Variants in PDE3B observed in about 807,000 individuals in gnomAD.
PDE3B encodes the protein phosphodiesterase 3B, also known as cGMP-inhibited 3',5'-cyclic phosphodiesterase 3B.
In PDE3B, 66 loss-of-function variants were observed where a neutral mutation model predicts 116.8. The observed-to-expected ratio is 0.56, with a 90% confidence interval of 0.46 to 0.69. The LOEUF (loss-of-function observed/expected upper bound fraction) is 0.69, where lower values mean the gene tolerates loss of function less well. Among genes scored for constraint, PDE3B ranks in the 30% least tolerant of loss-of-function variants. The pLI, the probability that PDE3B is intolerant of heterozygous loss-of-function variation, is 0.00. For missense variants in PDE3B, 1,384 were observed against 1,368.1 expected, an observed-to-expected ratio of 1.01 and a Z score of -0.18; for synonymous variants, 595 against 533.6, an observed-to-expected ratio of 1.12 and a Z score of -1.59.
At chr11:14,830,465 T>C (rs1200023460) in intron 7 of PDE3B, among the ~76,000 whole-genome samples, 1 of 152,196 alleles carries the variant, frequency 6.6e-6, no homozygotes, top group Admixed American at 6.5e-5. Flanking sequence ...TTAGCATCCA[T>C]GAGTAGATAT....
rs543067312 is a variant in PDE3B, at chr11:14,685,180, A to G, written c.978+40127A>G. ...GACAGGCGTAAGAAATTATAAAAGT[A>G]TTAATTTTGGGAACTGATATATGTC... On this transcript the variant is annotated intron_variant, in intron 1 of 15. Coordinates refer to ENST00000282096, the MANE Select transcript of PDE3B (RefSeq NM_000922.4). 1.4e-3 allele frequency among the ~76,000 whole-genome samples: 208 copies of G among 152,224 alleles called. 1 individual carries two copies. The highest frequency in any genetic ancestry group is 4.9e-3 in the African/African-American group (204 of 41,534).
chr11:14,707,630 CT>C (rs936474508), intron 1 of PDE3B, among the ~76,000 whole-genome samples: 1 of 151,912 alleles, frequency 6.6e-6, no homozygotes, highest in Non-Finnish European at 1.5e-5. Flanking sequence ...ATTGACTTCT[CT>C]TTAGGGAAAC....
chr11:14,854,424 C>T (rs949829026), intron 12 of PDE3B, among the ~76,000 whole-genome samples: 2 of 152,186 alleles, frequency 1.3e-5, no homozygotes, highest in Non-Finnish European at 2.9e-5. Flanking sequence ...CAAACCCTAT[C>T]CACATTTACA....
At chr11:14,855,647 A>G (rs782496879) in intron 12 of PDE3B, among the ~76,000 whole-genome samples, 11 of 150,086 alleles carry the variant, frequency 7.3e-5, no homozygotes, top group East Asian at 1.9e-4. Context: ...GTGTGTGAGC[A>G]AGAGAGAGAG....
chr11:14,704,843 A>ATCC (rs1855482146), intron 1 of PDE3B, among the ~76,000 whole-genome samples: 1 of 151,754 alleles, frequency 6.6e-6, no homozygotes, highest in South Asian at 2.1e-4. Flanking sequence ...AAACCATAAA[A>ATCC]GAAAAAAATT....
chr11:14,696,946 C>CT (rs905436501), intron 1 of PDE3B, among the ~76,000 whole-genome samples: 19 of 150,940 alleles, frequency 1.3e-4, no homozygotes, highest in South Asian at 4.2e-4. Context: ...TTATCTTTCA[C>CT]TTTTTTTTTA....
chr11:14,676,773 A>G (rs1854543848), intron 1 of PDE3B, among the ~76,000 whole-genome samples: 1 of 152,122 alleles, frequency 6.6e-6, no homozygotes, highest in South Asian at 2.1e-4. Context: ...TTTTCTCTCA[A>G]TCTGTTGCTT....
At chr11:14,718,771 A>C (rs1458989098) in intron 1 of PDE3B, among the ~76,000 whole-genome samples, 1 of 144,618 alleles carries the variant, frequency 6.9e-6, no homozygotes, top group African/African-American at 2.6e-5. Flanking sequence ...CATTCAAAGC[A>C]GTGTGTAGAG....
intron 1 of PDE3B, among the ~76,000 whole-genome samples, chr11:14,654,148 G>A (rs1226571690): frequency 1.3e-5 from 2 of 152,068 alleles, no homozygotes; most frequent in Non-Finnish European, 2.9e-5. Flanking sequence ...AGAAAAAAAT[G>A]TCTGTAAAAT....
intron 5 of PDE3B, among the ~76,000 whole-genome samples, chr11:14,815,936 T>A (rs549505654): frequency 1.5e-4 from 19 of 128,724 alleles, no homozygotes; most frequent in African/African-American, 6.3e-4. Flanking sequence ...ACATTATATT[T>A]ATACACACAC....
chr11:14,665,198 C>T (rs1236762135), intron 1 of PDE3B, among the ~76,000 whole-genome samples: 2 of 152,104 alleles, frequency 1.3e-5, no homozygotes, highest in African/African-American at 4.8e-5. Context: ...GCAGAAAAGT[C>T]CTTTGACAAA....
chr11:14,750,392 T>G (rs117443502), intron 1 of PDE3B, among the ~76,000 whole-genome samples: 6,207 of 152,198 alleles, frequency 0.041, 195 homozygotes, highest in Middle Eastern at 0.065. Flanking sequence ...ATTTGAAAAT[T>G]TATGATTGTA....
intron 5 of PDE3B, among the ~76,000 whole-genome samples, chr11:14,812,202 T>C (rs920614271): frequency 2.0e-5 from 3 of 152,178 alleles, no homozygotes; most frequent in African/African-American, 7.2e-5. Flanking sequence ...CACAACTCTG[T>C]GGATTTCTAA....
chr11:14,847,964 G>C (rs949541272), intron 12 of PDE3B, among the ~76,000 whole-genome samples: 2 of 152,178 alleles, frequency 1.3e-5, no homozygotes, highest in African/African-American at 4.8e-5. Context: ...TAGAAAAAGA[G>C]GGATTCCTCC....
chr11:14,763,244 G>A (rs1857409942), intron 1 of PDE3B, among the ~76,000 whole-genome samples: 1 of 152,074 alleles, frequency 6.6e-6, no homozygotes, highest in Non-Finnish European at 1.5e-5. Flanking sequence ...ATTTCAGGGA[G>A]GAAAGAGTGT....
At chr11:14,882,888 AACAG>A in the PDE3B span, among the ~76,000 whole-genome samples, 7 of 152,200 alleles carry the variant, frequency 4.6e-5, no homozygotes, top group Non-Finnish European at 8.8e-5. Flanking sequence ...ATACACCAAT[AACAG>A]ACAAACACAG....
rs112585705 is a variant in PDE3B, at chr11:14,744,683, G to A, written c.979-27254G>A. On this transcript the variant is annotated intron_variant, in intron 1 of 15. Transcript: ENST00000282096. ...AGATTTAGTTCTAAGCATCCTGAAA[G>A]GCTGGCAAAAAGGAAATGAGATAGG... Among the ~76,000 whole-genome samples, 684 of 152,236 alleles carry A rather than the reference G, an allele frequency of 4.5e-3. 9 individuals carry two copies. Among genetic ancestry groups the A allele is most frequent in the African/African-American group, 0.016 (667 of 41,550 alleles).
At chr11:14,695,833 A>G (rs903756096) in intron 1 of PDE3B, among the ~76,000 whole-genome samples, 1 of 151,786 alleles carries the variant, frequency 6.6e-6, no homozygotes, top group East Asian at 1.9e-4. Context: ...ATGTCCCTAC[A>G]AAGGACATGA....
At chr11:14,718,365 G>C (rs2133838141) in intron 1 of PDE3B, among the ~76,000 whole-genome samples, 1 of 134,876 alleles carries the variant, frequency 7.4e-6, no homozygotes, top group African/African-American at 2.8e-5. Context: ...AGATCAACGA[G>C]ACAGAAAGTC....
Sources: allele counts gnomAD v4.1 joint callset (sites outside exome capture counted in the v4.1 genomes callset), GRCh38; gene constraint gnomAD v4.1.1; transcripts MANE v1.5; gene names NCBI Gene and HGNC (gene_info 2026-07-23, HGNC 2026-07-21).